Variants in NEDD4 observed in about 807,000 individuals in gnomAD.
NEDD4 encodes the protein E3 ubiquitin-protein ligase NEDD4.
Under a neutral mutation model 144.9 loss-of-function variants are expected in NEDD4, and 99 were observed. The observed-to-expected ratio is 0.68, with a 90% CI of 0.58 to 0.81. The LOEUF (loss-of-function observed/expected upper bound fraction) is 0.81. Among genes scored for constraint, NEDD4 ranks in the 30% least tolerant of loss-of-function variants. NEDD4 has a pLI of 0.00. For missense variants in NEDD4, 985 were observed against 1,065.9 expected (o/e 0.92, Z 1.06); for synonymous variants, 318 against 350.6 (o/e 0.91, Z 1.04).
At chr15:55,838,025 C>G (rs1230781894) in intron 23 of NEDD4, 82 bp downstream of exon 23, 2 of 975,658 alleles carry the variant, frequency 2.0e-6, no homozygotes, top group Admixed American at 4.7e-5. Context: ...GACAAGGGGA[C>G]AGAGAAAGAT....
intron 1 of NEDD4, among the ~76,000 whole-genome samples, chr15:55,967,217 G>C (rs1452856696): frequency 6.6e-6 from 1 of 152,062 alleles, no homozygotes; most frequent in East Asian, 1.9e-4. Flanking sequence ...CTTAGAAAAG[G>C]TTATTTTTTT....
intron 5 of NEDD4, among the ~76,000 whole-genome samples, chr15:55,876,520 T>TTA (rs1491334371): frequency 6.6e-6 from 1 of 152,160 alleles, no homozygotes; most frequent in Non-Finnish European, 1.5e-5. Context: ...GTTGCAAGAC[T>TTA]TATATTTTAT....
At position 55,829,760 on chromosome 15, in the gene NEDD4, A is replaced by G; in HGVS notation, c.*137T>C. ...AATAAGTTGTCGTACTATTTCTTCA[A>G]ATGCTTTTTATATGATTTTCTTCAA... On this transcript the variant is annotated 3_prime_UTR_variant, in exon 29 of 29. Coordinates refer to ENST00000435532, the MANE Select transcript of NEDD4 (RefSeq NM_006154.4). 1 of 599,828 alleles carries G rather than the reference A, an allele frequency of 1.7e-6. No homozygotes were observed. Among genetic ancestry groups the G allele is most frequent in the South Asian group, 2.2e-5 (1 of 46,408 alleles). 37.2% of individuals were successfully genotyped at this position (599,828 alleles called of 1,614,324 possible). A position where few individuals can be genotyped will look rare whatever the true frequency, so the allele number is the denominator to read the frequency against.
At chr15:55,847,326 A>C (rs35313340) in intron 17 of NEDD4, among the ~76,000 whole-genome samples, 10,088 of 152,284 alleles carry the variant, frequency 0.066, 431 homozygotes, top group Non-Finnish European at 0.098. Flanking sequence ...GAAATATTAG[A>C]AACAAAAATT....
At chr15:55,901,061 A>G (rs1157417204) in intron 5 of NEDD4, among the ~76,000 whole-genome samples, 2 of 152,068 alleles carry the variant, frequency 1.3e-5, no homozygotes, top group African/African-American at 2.4e-5. Flanking sequence ...ACTTTTTTTA[A>G]TTTTTAATTT....
intron 5 of NEDD4, among the ~76,000 whole-genome samples, chr15:55,908,422 T>G (rs2036168523): frequency 6.6e-6 from 1 of 152,198 alleles, no homozygotes; most frequent in Non-Finnish European, 1.5e-5. Context: ...TGATATGTTT[T>G]TAATGAATTA....
intron 4 of NEDD4, among the ~76,000 whole-genome samples, chr15:55,934,015 T>G (rs2036834540): frequency 6.6e-6 from 1 of 152,110 alleles, no homozygotes; most frequent in South Asian, 2.1e-4. Flanking sequence ...TAGCTGGGTG[T>G]GGTGGCACAC....
intron 4 of NEDD4, among the ~76,000 whole-genome samples, chr15:55,944,217 G>A (rs1394254542): frequency 2.0e-5 from 3 of 152,218 alleles, no homozygotes; most frequent in African/African-American, 7.2e-5. Context: ...GGGGTCAGGG[G>A]ATTTCCCTTT....
intron 4 of NEDD4, among the ~76,000 whole-genome samples, chr15:55,934,402 T>C (rs2036843926): frequency 6.6e-6 from 1 of 152,214 alleles, no homozygotes; most frequent in South Asian, 2.1e-4. Context: ...CTATTATGAA[T>C]AATGCTGCTA....
chr15:55,989,157 A>T (rs1270846468), intron 1 of NEDD4, among the ~76,000 whole-genome samples: 2 of 152,260 alleles, frequency 1.3e-5, no homozygotes, highest in African/African-American at 4.8e-5. Context: ...AATCGCTGGA[A>T]CCTGGTAGGC....
rs1483817795 is a variant in NEDD4, at chr15:55,829,930, A to G, written c.2670T>C (p.Ile890=). 1 of 1,613,874 alleles carries G rather than the reference A, an allele frequency of 6.2e-7. No homozygotes were observed. The highest frequency in any genetic ancestry group is 1.7e-5 in the Admixed American group (1 of 59,986). ...CTCCATCAAAGCCCTGGGTGTTTTC[A>G]ATTGCCATCTGAAGTTTATCCCATA... is the stretch of plus-strand genomic sequence containing the variant. ...EELWDKLQMA[I]ENTQGFDGVD Residue 890 remains isoleucine (I), a synonymous_variant, in exon 29 of 29, where the codon ATT becomes ATC. Transcript: ENST00000435532.
At chr15:55,868,281 A>C (rs1347000915) in intron 8 of NEDD4, among the ~76,000 whole-genome samples, 3 of 152,144 alleles carry the variant, frequency 2.0e-5, no homozygotes, top group Non-Finnish European at 2.9e-5. Flanking sequence ...GCCCTCAGTC[A>C]GAGGAGAAAG....
intron 8 of NEDD4, among the ~76,000 whole-genome samples, chr15:55,865,468 ACCT>A (rs1328760532): frequency 2.6e-5 from 4 of 152,086 alleles, no homozygotes; most frequent in African/African-American, 9.7e-5. Context: ...ATGACACCAA[ACCT>A]TGAAGGCATG....
chr15:55,870,169 C>T (rs1297229969), intron 7 of NEDD4, among the ~76,000 whole-genome samples: 1 of 152,088 alleles, frequency 6.6e-6, no homozygotes, highest in Non-Finnish European at 1.5e-5. Context: ...AGAGGTCATG[C>T]AAAATCAGAC....
chr15:55,837,032 A>T (rs2033237051), intron 24 of NEDD4, among the ~76,000 whole-genome samples: 1 of 152,238 alleles, frequency 6.6e-6, no homozygotes, highest in Non-Finnish European at 1.5e-5. Context: ...ACCAATTGGA[A>T]AAATTTAAGT....
At chr15:55,985,622 A>C (rs1181313013) in intron 1 of NEDD4, among the ~76,000 whole-genome samples, 1 of 152,214 alleles carries the variant, frequency 6.6e-6, no homozygotes. Context: ...ACTTATGGCT[A>C]TAAAGGAACT....
intron 24 of NEDD4, among the ~76,000 whole-genome samples, chr15:55,837,478 T>C (rs1379264923): frequency 3.3e-5 from 5 of 150,426 alleles, no homozygotes; most frequent in African/African-American, 1.2e-4. Context: ...ACAAAATGTG[T>C]AAGGTGATCC....
chr15:55,833,382 G>C (rs1459846099), intron 26 of NEDD4, among the ~76,000 whole-genome samples: 2 of 152,114 alleles, frequency 1.3e-5, no homozygotes, highest in African/African-American at 2.4e-5. Flanking sequence ...TATATGCTGG[G>C]TGCAGTGGCT....
At chr15:55,982,981 G>C (rs1438540165) in intron 1 of NEDD4, among the ~76,000 whole-genome samples, 1 of 152,096 alleles carries the variant, frequency 6.6e-6, no homozygotes, top group African/African-American at 2.4e-5. Context: ...AATTAGCAAG[G>C]CATGGTGACT....
Sources: gnomAD v4.1 joint callset for allele counts (sites outside exome capture counted in the v4.1 genomes callset) on GRCh38, gnomAD v4.1.1 for gene constraint, MANE v1.5 for transcripts, NCBI Gene and HGNC (gene_info 2026-07-23, HGNC 2026-07-21) for gene names.